The following TRPA1 variants were observed in gnomAD, a reference collection of about 807,000 sequenced individuals.
TRPA1 encodes transient receptor potential cation channel subfamily A member 1, also known as ankyrin-like with transmembrane domains 1.
TRPA1 carries 129 observed loss-of-function variants against 131.3 expected under a neutral mutation model. The observed-to-expected ratio is 0.98, with a 90% CI of 0.85 to 1.14. The LOEUF (loss-of-function observed/expected upper bound fraction) is 1.14. Among genes scored for constraint, TRPA1 ranks in the 50% most tolerant of loss-of-function variants. The probability of loss-of-function intolerance (pLI) is 0.00; values close to 1 mark genes in which losing one functional copy is unlikely to be tolerated. For missense variants in TRPA1, 1,304 were observed against 1,354.2 expected (o/e 0.96, Z 0.58); for synonymous variants, 441 against 451.7 (o/e 0.98, Z 0.30).
chr8:72,065,475 A>G lies in TRPA1; in HGVS notation c.528T>C (p.Asn176=). The G allele has an allele frequency of 6.2e-7, 1 of 1,613,490 alleles. No homozygotes were observed. The highest frequency in any genetic ancestry group is 8.5e-7 in the Non-Finnish European group (1 of 1,179,634). Residue 176 remains asparagine (N), a synonymous_variant, in exon 4 of 27, where the codon AAT becomes AAC. Coordinates refer to ENST00000262209, the MANE Select transcript of TRPA1 (RefSeq NM_007332.3). ...CCAAAATCTGCAATGCTTCGCTATTATTTGTGGTGCACGCAATGATCACAG... is the reference window on the plus strand; with the variant it reads ...CCAAAATCTGCAATGCTTCGCTATTGTTTGTGGTGCACGCAATGATCACAG... ...NTAVIIACTT[N]NSEALQILLK...
intron 26 of TRPA1, 181 bp from the exon 27 acceptor site, chr8:72,023,297 A>G: frequency 1.4e-6 from 1 of 697,586 alleles, no homozygotes; most frequent in Non-Finnish European, 2.5e-6. Context: ...GATTTTTCCC[A>G]AAGTTACACT....
intron 25 of TRPA1, among the ~76,000 whole-genome samples, chr8:72,024,724 T>G (rs1811522068): frequency 6.6e-6 from 1 of 152,122 alleles, no homozygotes; most frequent in Non-Finnish European, 1.5e-5. Context: ...AGATGTCAAG[T>G]AGGCAGCTGG....
chr8:72,030,398 G>C (rs1425737954), intron 23 of TRPA1, among the ~76,000 whole-genome samples: 1 of 152,092 alleles, frequency 6.6e-6, no homozygotes, highest in East Asian at 1.9e-4. Flanking sequence ...TGAAATCATA[G>C]CAAGGCCTCT....
intron 18 of TRPA1, 101 bp from the exon 19 acceptor site, chr8:72,039,128 GT>G (rs1225070014): frequency 8.5e-6 from 10 of 1,174,596 alleles, no homozygotes; most frequent in Admixed American, 1.8e-5. Context: ...CAGAAACCTT[GT>G]TGGTAAATTC....
chr8:72,052,997 G>GAGTGTGTGTGTGTGAT, intron 13 of TRPA1: 1 of 329,548 alleles, frequency 3.0e-6, no homozygotes, highest in Non-Finnish European at 5.7e-6. Context: ...GTGTGTGTGA[G>GAGTGTGTGTGTGTGAT]AGATAGAGAA....
At chr8:72,084,877 C>T in the TRPA1 span, among the ~76,000 whole-genome samples, 1 of 151,942 alleles carries the variant, frequency 6.6e-6, no homozygotes, top group Admixed American at 6.5e-5. Context: ...GTCTCGAACT[C>T]CCAACCTCGT....
rs1178135988 is a variant in TRPA1, at chr8:72,033,777, A to G, written c.2735T>C (p.Met912Thr). Residue 912 changes from methionine (M) to threonine (T), a missense_variant, in exon 23 of 27, where the codon ATG (methionine) becomes ACG (threonine). Transcript: ENST00000262209. The stretch of plus-strand genomic sequence containing the variant: ...CTCTCGATAATTGATATCTCCTAGC[A>G]TCATGCTGAAGGTCTGGATTATAGA... ...LLSIIQTFSMMLGDINYRESF... is the reference protein window; with the variant it reads ...LLSIIQTFSMTLGDINYRESF... 6.2e-6 allele frequency: 10 copies of G among 1,614,092 alleles called. No homozygotes were observed. Among genetic ancestry groups the G allele is most frequent in the Non-Finnish European group, 8.5e-6 (10 of 1,179,978 alleles).
intron 4 of TRPA1, among the ~76,000 whole-genome samples, chr8:72,064,852 TCTCCATCATCTCCATC>T (rs1805894854): frequency 6.4e-5 from 1 of 15,580 alleles, no homozygotes; most frequent in Non-Finnish European, 8.9e-5. Context: ...ATCTCCATCA[TCTCCATCATCTCCATC>T]GCTTCACTGG....
At chr8:72,053,893 G>A in intron 12 of TRPA1, 26 bp from the exon 13 acceptor site, 1 of 1,544,914 alleles carries the variant, frequency 6.5e-7, no homozygotes, top group Non-Finnish European at 8.9e-7. Context: ...GAAAAGATGT[G>A]TGCATACACT....
chr8:72,058,452 G>C (rs1420529842), intron 8 of TRPA1, among the ~76,000 whole-genome samples: 2 of 152,006 alleles, frequency 1.3e-5, no homozygotes, highest in Non-Finnish European at 2.9e-5. Context: ...AAATTTCATG[G>C]AAATAATCCT....
intron 23 of TRPA1, among the ~76,000 whole-genome samples, chr8:72,031,889 G>A (rs972048704): frequency 1.3e-5 from 2 of 152,148 alleles, no homozygotes; most frequent in African/African-American, 2.4e-5. Flanking sequence ...CAAAACTATG[G>A]TAACACAAGG....
At chr8:72,077,586 T>G (rs1806214639), upstream of TRPA1, among the ~76,000 whole-genome samples, 1 of 152,210 alleles carries the variant, frequency 6.6e-6, no homozygotes, top group Admixed American at 6.5e-5. Flanking sequence ...TTTTAAAAAA[T>G]ATTATGGGGG....
intron 3 of TRPA1, 152 bp from the exon 4 acceptor site, chr8:72,065,710 C>T: frequency 1.5e-6 from 1 of 662,254 alleles, no homozygotes; most frequent in Non-Finnish European, 2.7e-6. Flanking sequence ...CAAAATCTTG[C>T]ACATTGTGGG....
chr8:72,087,235 A>C, the TRPA1 span, among the ~76,000 whole-genome samples: 1 of 152,196 alleles, frequency 6.6e-6, no homozygotes, highest in South Asian at 2.1e-4. Flanking sequence ...GAAAAACAAT[A>C]ATCTGATTAT....
intron 21 of TRPA1, among the ~76,000 whole-genome samples, chr8:72,035,439 T>C (rs1485392178): frequency 2.6e-5 from 4 of 152,168 alleles, no homozygotes; most frequent in Non-Finnish European, 4.4e-5. Context: ...AAAACATGCT[T>C]CCTGGAGTCA....
At chr8:72,086,076 T>G in the TRPA1 span, among the ~76,000 whole-genome samples, 2 of 152,032 alleles carry the variant, frequency 1.3e-5, no homozygotes, top group African/African-American at 2.4e-5. Context: ...AATTTTTTTG[T>G]ATTTTTAGTA....
At chr8:72,073,380 A>C (rs1196606258) in intron 1 of TRPA1, among the ~76,000 whole-genome samples, 2 of 152,224 alleles carry the variant, frequency 1.3e-5, no homozygotes, top group Admixed American at 1.3e-4. Flanking sequence ...GTGATCCTTC[A>C]GTTTTGTTAG....
chr8:72,049,502 C>T (rs574270265), intron 15 of TRPA1, among the ~76,000 whole-genome samples: 3 of 152,250 alleles, frequency 2.0e-5, no homozygotes, highest in South Asian at 2.1e-4. Context: ...TTTTCCTTTG[C>T]ATGACATCTG....
chr8:72,040,179 C>T (rs1198648953), intron 17 of TRPA1, among the ~76,000 whole-genome samples: 1 of 152,072 alleles, frequency 6.6e-6, no homozygotes, highest in South Asian at 2.1e-4. Context: ...GTAGAATATA[C>T]ATACATAGTT....
Sources: gnomAD v4.1 joint callset for allele counts (sites outside exome capture counted in the v4.1 genomes callset) on GRCh38, gnomAD v4.1.1 for gene constraint, MANE v1.5 for transcripts, NCBI Gene and HGNC (gene_info 2026-07-23, HGNC 2026-07-21) for gene names.